Variants in SLC44A5 observed in about 807,000 individuals in gnomAD.
SLC44A5 encodes the protein choline transporter-like protein 5.
A neutral mutation model predicts 101.8 loss-of-function variants in SLC44A5; 57 were observed. The observed-to-expected ratio is 0.56, with a 90% CI of 0.45 to 0.70. SLC44A5 has a LOEUF of 0.70. Ranked by LOEUF, SLC44A5 falls within the 30% of genes least tolerant of loss-of-function variation. SLC44A5 has a pLI of 0.00. For missense variants in SLC44A5, 737 were observed against 853.1 expected (o/e 0.86, Z 1.70); for synonymous variants, 281 against 290.9 (o/e 0.97, Z 0.35).
At chr1:75,532,059 T>C (rs959862243) in intron 2 of SLC44A5, among the ~76,000 whole-genome samples, 1 of 152,176 alleles carries the variant, frequency 6.6e-6, no homozygotes, top group African/African-American at 2.4e-5. Flanking sequence ...TCAGGGCTCA[T>C]CCTAGACCTA....
At chr1:75,410,417 A>G (rs1190980358) in intron 2 of SLC44A5, among the ~76,000 whole-genome samples, 1 of 152,166 alleles carries the variant, frequency 6.6e-6, no homozygotes, top group Non-Finnish European at 1.5e-5. Context: ...AATAGAAGCC[A>G]ATCTCTATGC....
intron 2 of SLC44A5, among the ~76,000 whole-genome samples, chr1:75,409,814 C>A (rs974971550): frequency 2.6e-5 from 4 of 152,134 alleles, no homozygotes; most frequent in African/African-American, 7.2e-5. Flanking sequence ...CTCCCAATGC[C>A]TCTTTAAGAA....
At chr1:75,222,154 C>T (rs543661981) in intron 14 of SLC44A5, among the ~76,000 whole-genome samples, 67 of 152,124 alleles carry the variant, frequency 4.4e-4, no homozygotes, top group African/African-American at 1.6e-3. Context: ...CGGGGTTTCT[C>T]CATGTTGGTC....
chr1:75,642,716 A>G, the SLC44A5 span, among the ~76,000 whole-genome samples: 1 of 152,210 alleles, frequency 6.6e-6, no homozygotes, highest in African/African-American at 2.4e-5. Context: ...GAGGAGGAGG[A>G]GCTTACTATA....
chr1:75,339,653 T>A, intron 3 of SLC44A5, 23 bp from the exon 4 acceptor site: 1 of 1,598,478 alleles, frequency 6.3e-7, no homozygotes, highest in Non-Finnish European at 8.5e-7. Context: ...CAAAGACATT[T>A]TAAGCATATA....
At chr1:75,506,907 C>CTTT (rs61554987) in intron 2 of SLC44A5, among the ~76,000 whole-genome samples, 794 of 68,816 alleles carry the variant, frequency 0.012, 22 homozygotes, top group African/African-American at 0.012. Context: ...TATTCCTATT[C>CTTT]TTTTTTTTTT....
chr1:75,551,439 A>G (rs1671931290), intron 1 of SLC44A5, among the ~76,000 whole-genome samples: 1 of 152,096 alleles, frequency 6.6e-6, no homozygotes, highest in Non-Finnish European at 1.5e-5. Flanking sequence ...GGATCCTCCT[A>G]TCCTTAATTT....
intron 3 of SLC44A5, among the ~76,000 whole-genome samples, chr1:75,342,797 C>G (rs937877247): frequency 6.6e-6 from 1 of 152,120 alleles, no homozygotes; most frequent in East Asian, 1.9e-4. Flanking sequence ...ATGCCATTGT[C>G]GAATCTGCCT....
Position 75,478,688 on chromosome 1 carries a change from A to G in SLC44A5, c.13+62747T>C, listed in dbSNP as rs555030215. On this transcript the variant is annotated intron_variant, in intron 2 of 23. Transcript: ENST00000370859. ...ACATAATGGTAAAGGGATCAATTCA[A>G]CAAGAAGAGCTAACTATCCTAAATA... Among the ~76,000 whole-genome samples the G allele has an allele frequency of 3.0e-4, 46 of 152,326 alleles. 2 individuals are homozygous for G. The South Asian group carries it at 7.0e-3, about 23-fold the overall frequency.
intron 3 of SLC44A5, among the ~76,000 whole-genome samples, chr1:75,362,217 T>C (rs1185404635): frequency 6.6e-6 from 1 of 151,954 alleles, no homozygotes; most frequent in African/African-American, 2.4e-5. Context: ...GCTAAGGTTT[T>C]GTTGACTTGT....
chr1:75,292,307 T>C (rs189979625), intron 5 of SLC44A5, among the ~76,000 whole-genome samples: 84 of 152,302 alleles, frequency 5.5e-4, no homozygotes, highest in African/African-American at 2.0e-3. Flanking sequence ...GAAGCAGCTC[T>C]CATGGTTCCT....
chr1:75,292,468 C>T (rs1570593027), intron 5 of SLC44A5, among the ~76,000 whole-genome samples: 1 of 152,220 alleles, frequency 6.6e-6, no homozygotes, highest in Middle Eastern at 3.4e-3. Context: ...ATTTTATTTA[C>T]TCCATAGTAC....
intron 1 of SLC44A5, among the ~76,000 whole-genome samples, chr1:75,607,576 C>A (rs1675397148): frequency 6.6e-6 from 1 of 152,006 alleles, no homozygotes; most frequent in Admixed American, 6.6e-5. Context: ...TGTGTCCCCA[C>A]CCAAATCTCA....
At chr1:75,586,796 A>T (rs1674027214) in intron 1 of SLC44A5, among the ~76,000 whole-genome samples, 6 of 152,180 alleles carry the variant, frequency 3.9e-5, no homozygotes, top group Admixed American at 2.6e-4. Context: ...GTTATTATCT[A>T]TGTACCCCAA....
intron 3 of SLC44A5, among the ~76,000 whole-genome samples, chr1:75,389,849 CA>C (rs1418804143): frequency 6.6e-6 from 1 of 151,832 alleles, no homozygotes; most frequent in African/African-American, 2.4e-5. Flanking sequence ...TGCCAAAATT[CA>C]TTAAAAAGGA....
chr1:75,649,970 A>G, the SLC44A5 span, among the ~76,000 whole-genome samples: 2 of 152,172 alleles, frequency 1.3e-5, no homozygotes. Context: ...TACTTGTTTA[A>G]GCCTGATTTA....
chr1:75,565,664 T>C (rs890129683), intron 1 of SLC44A5, among the ~76,000 whole-genome samples: 3 of 152,184 alleles, frequency 2.0e-5, no homozygotes, highest in African/African-American at 7.2e-5. Flanking sequence ...CAGAGCCAGG[T>C]TCAAGTCCTA....
the SLC44A5 span, among the ~76,000 whole-genome samples, chr1:75,671,768 C>T: frequency 1.3e-5 from 2 of 152,126 alleles, no homozygotes; most frequent in Admixed American, 6.6e-5. Flanking sequence ...ACATTAGCTG[C>T]TGAAAGGACA....
the SLC44A5 span, among the ~76,000 whole-genome samples, chr1:75,668,872 G>A: frequency 6.6e-6 from 1 of 151,290 alleles, no homozygotes; most frequent in Admixed American, 6.6e-5. Context: ...CAACGCACCT[G>A]TAATCCCAGC....
Sources: gnomAD v4.1 joint callset for allele counts (sites outside exome capture counted in the v4.1 genomes callset) on GRCh38, gnomAD v4.1.1 for gene constraint, MANE v1.5 for transcripts, NCBI Gene and HGNC (gene_info 2026-07-23, HGNC 2026-07-21) for gene names.